The following LINGO2 variants were observed in gnomAD, a reference collection of about 807,000 sequenced individuals.
LINGO2 encodes the protein leucine rich repeat and Ig domain containing 2, also known as leucine-rich repeat and immunoglobulin-like domain-containing nogo receptor-interacting protein 2.
In LINGO2, 14 loss-of-function variants were observed where a neutral mutation model predicts 30.6. The observed-to-expected ratio is 0.46, with a 90% confidence interval of 0.30 to 0.72. The LOEUF (loss-of-function observed/expected upper bound fraction) is 0.72. Among genes scored for constraint, LINGO2 ranks in the 30% least tolerant of loss-of-function variants. The probability of loss-of-function intolerance (pLI) is 0.07; values close to 1 mark genes in which losing one functional copy is unlikely to be tolerated. For missense variants in LINGO2, 729 were observed against 751.7 expected (o/e 0.97, Z 0.35); for synonymous variants, 317 against 288.5 (o/e 1.10, Z -1.00).
chr9:28,382,044 C>G (rs1367811039), intron 2 of LINGO2, among the ~76,000 whole-genome samples: 1 of 152,084 alleles, frequency 6.6e-6, no homozygotes, highest in East Asian at 1.9e-4. Context: ...TACTTATTAA[C>G]AGGGAAATAT....
At chr9:28,098,795 A>C (rs1168583630) in intron 4 of LINGO2, among the ~76,000 whole-genome samples, 1 of 152,188 alleles carries the variant, frequency 6.6e-6, no homozygotes, top group East Asian at 1.9e-4. Context: ...GAGCAGGCAA[A>C]GCTTGCACCT....
the LINGO2 span, among the ~76,000 whole-genome samples, chr9:29,196,984 C>T: frequency 6.6e-6 from 1 of 151,954 alleles, no homozygotes; most frequent in Admixed American, 6.6e-5. Flanking sequence ...CATAGAAATA[C>T]CTTCTTTTTT....
the LINGO2 span, among the ~76,000 whole-genome samples, chr9:29,135,558 C>CAAAA: frequency 9.2e-6 from 1 of 108,216 alleles, no homozygotes; most frequent in Admixed American, 9.5e-5. Context: ...ATTCCATCTC[C>CAAAA]AAAAAAAAAA....
At chr9:28,873,877 A>T in the LINGO2 span, among the ~76,000 whole-genome samples, 32 of 151,682 alleles carry the variant, frequency 2.1e-4, no homozygotes, top group African/African-American at 6.8e-4. Context: ...AAACTAAAAT[A>T]AAAAAATATA....
At chr9:28,560,570 T>A (rs1342306759) in intron 1 of LINGO2, among the ~76,000 whole-genome samples, 1 of 152,178 alleles carries the variant, frequency 6.6e-6, no homozygotes, top group African/African-American at 2.4e-5. Context: ...GAATTATGAC[T>A]AATATAAAGA....
At chr9:29,181,942 T>G in the LINGO2 span, among the ~76,000 whole-genome samples, 1 of 152,302 alleles carries the variant, frequency 6.6e-6, no homozygotes, top group African/African-American at 2.4e-5. Context: ...CCAGACTCCA[T>G]GCAGTTTTGA....
the LINGO2 span, among the ~76,000 whole-genome samples, chr9:28,903,408 A>C: frequency 6.6e-6 from 1 of 152,192 alleles, no homozygotes; most frequent in Non-Finnish European, 1.5e-5. Flanking sequence ...AGAACAGCCC[A>C]GGACATAACA....
chr9:28,682,600 G>A, the LINGO2 span, among the ~76,000 whole-genome samples: 1 of 151,962 alleles, frequency 6.6e-6, no homozygotes, highest in Non-Finnish European at 1.5e-5. Flanking sequence ...GATTATAGAT[G>A]TAATTCTGTA....
At chr9:28,634,963 C>T (rs1827189077) in intron 1 of LINGO2, among the ~76,000 whole-genome samples, 1 of 152,108 alleles carries the variant, frequency 6.6e-6, no homozygotes, top group South Asian at 2.1e-4. Context: ...CTAGTTGAAA[C>T]ATTAGAGATG....
At chr9:28,938,811 T>C in the LINGO2 span, among the ~76,000 whole-genome samples, 2 of 152,194 alleles carry the variant, frequency 1.3e-5, no homozygotes, top group South Asian at 4.1e-4. Flanking sequence ...TCCCTGTCTG[T>C]AAGTGATATA....
the LINGO2 span, among the ~76,000 whole-genome samples, chr9:28,908,081 T>C: frequency 6.6e-6 from 1 of 151,908 alleles, no homozygotes; most frequent in African/African-American, 2.4e-5. Flanking sequence ...TTCAATTTAT[T>C]AATCTATTTG....
intron 1 of LINGO2, among the ~76,000 whole-genome samples, chr9:28,563,707 T>G (rs2135561660): frequency 6.6e-6 from 1 of 152,264 alleles, no homozygotes; most frequent in East Asian, 1.9e-4. Flanking sequence ...CTGGCATAAG[T>G]CCTCATGAAA....
upstream of LINGO2, among the ~76,000 whole-genome samples, chr9:28,673,972 C>G (rs1829125245): frequency 6.6e-6 from 1 of 151,342 alleles, no homozygotes. Context: ...AAAAAAAAAT[C>G]CATCCATATG....
chr9:29,007,636 G>A, the LINGO2 span, among the ~76,000 whole-genome samples: 4 of 152,008 alleles, frequency 2.6e-5, no homozygotes, highest in African/African-American at 9.7e-5. Context: ...TTGGGAAGCA[G>A]CCCTCAACCA....
chr9:28,032,868 T>C (rs1563928606), intron 4 of LINGO2, among the ~76,000 whole-genome samples: 1 of 152,198 alleles, frequency 6.6e-6, no homozygotes, highest in Non-Finnish European at 1.5e-5. Flanking sequence ...AGGGATACAA[T>C]TTTAAAATAA....
intron 4 of LINGO2, among the ~76,000 whole-genome samples, chr9:28,102,425 C>T (rs1007538743): frequency 1.3e-5 from 2 of 152,024 alleles, no homozygotes; most frequent in Non-Finnish European, 2.9e-5. Context: ...TTTAAGAGAT[C>T]TTTATTTTTT....
intron 4 of LINGO2, among the ~76,000 whole-genome samples, chr9:28,145,120 C>T (rs1827777774): frequency 6.6e-6 from 1 of 152,140 alleles, no homozygotes; most frequent in South Asian, 2.1e-4. Flanking sequence ...TCACAGTGTT[C>T]TCTGAACCAA....
Position 28,299,861 on chromosome 9 carries a change from T to A in LINGO2, c.-245-4495A>T, listed in dbSNP as rs371221586. ...AGAGGCTACTCAGATCTCAATAGGG[T>A]CTGGAAAAGCATTTAAACCCATGAT... is the stretch of plus-strand genomic sequence containing the variant. On this transcript the variant is annotated intron_variant, in intron 3 of 5. Transcript: ENST00000379992. Among the ~76,000 whole-genome samples the A allele has an allele frequency of 1.4e-4, 21 of 152,104 alleles. No homozygotes were observed. The South Asian group carries it at 4.4e-3, about 32-fold the overall frequency.
chr9:28,192,669 G>A (rs1442480112), intron 4 of LINGO2, among the ~76,000 whole-genome samples: 3 of 152,108 alleles, frequency 2.0e-5, no homozygotes, highest in Non-Finnish European at 4.4e-5. Context: ...ACACCGCAAT[G>A]TTCTACGGGT....
Sources: gnomAD v4.1 joint callset for allele counts (sites outside exome capture counted in the v4.1 genomes callset) on GRCh38, gnomAD v4.1.1 for gene constraint, MANE v1.5 for transcripts, NCBI Gene and HGNC (gene_info 2026-07-23, HGNC 2026-07-21) for gene names.